Variants in DOCK4 observed in about 807,000 individuals in gnomAD.
DOCK4 encodes the protein dedicator of cytokinesis 4.
Under a neutral mutation model 268.1 loss-of-function variants are expected in DOCK4, and 97 were observed. The ratio of observed to expected loss-of-function variants is 0.36; its 90% CI spans 0.31 to 0.43. DOCK4 has a LOEUF of 0.43. Among genes scored for constraint, DOCK4 ranks in the 20% least tolerant of loss-of-function variants. The pLI is 1.00. For missense variants in DOCK4, 2,145 were observed against 2,455.7 expected, an observed-to-expected ratio of 0.87 and a Z score of 2.67; for synonymous variants, 954 against 887.2, an observed-to-expected ratio of 1.08 and a Z score of -1.34.
rs1802829935 is a variant in DOCK4 at position 112,026,732 on chromosome 7, C to T, written c.38-22601G>A. Among the ~76,000 whole-genome samples, 3 of 152,170 alleles carry T rather than the reference C, an allele frequency of 2.0e-5. 1 individual carries two copies. The highest frequency in any genetic ancestry group is 6.3e-3 in the Middle Eastern group (2 of 316). ...TGCTTTTGCACTATAATGACAGAGT[C>T]CTGTGGTCGGAACAGAGATTATATG... On this transcript the variant is annotated intron_variant, in intron 1 of 52. Transcript: ENST00000428084.
chr7:112,083,268 T>C (rs1310961180), intron 1 of DOCK4, among the ~76,000 whole-genome samples: 2 of 152,124 alleles, frequency 1.3e-5, no homozygotes, highest in Non-Finnish European at 2.9e-5. Context: ...GTGAATACCA[T>C]CACAATTGCC....
chr7:111,831,860 A>C (rs766453819), intron 26 of DOCK4, among the ~76,000 whole-genome samples: 11 of 152,162 alleles, frequency 7.2e-5, no homozygotes, highest in Non-Finnish European at 1.0e-4. Context: ...TCCCTTCTTA[A>C]AACAATCACA....
chr7:111,931,167 T>C (rs1435836832), intron 12 of DOCK4, among the ~76,000 whole-genome samples: 1 of 152,144 alleles, frequency 6.6e-6, no homozygotes, highest in East Asian at 1.9e-4. Context: ...AGAAGCCAGG[T>C]ATAAAGTGCA....
intron 8 of DOCK4, among the ~76,000 whole-genome samples, chr7:111,969,302 T>A (rs1398850047): frequency 2.6e-5 from 4 of 151,582 alleles, no homozygotes; most frequent in African/African-American, 9.7e-5. Flanking sequence ...AGCTTCCAAT[T>A]CTGTATGAAA....
At chr7:111,861,107 A>C (rs1244094881) in intron 23 of DOCK4, among the ~76,000 whole-genome samples, 1 of 152,174 alleles carries the variant, frequency 6.6e-6, no homozygotes, top group Admixed American at 6.5e-5. Context: ...GAGTTAAAGC[A>C]GGGTGCTCCG....
chr7:112,112,599 G>A (rs1811768690), intron 1 of DOCK4, among the ~76,000 whole-genome samples: 1 of 151,788 alleles, frequency 6.6e-6, no homozygotes, highest in Non-Finnish European at 1.5e-5. Context: ...AGCTGAGATA[G>A]TGCCACTGCA....
chr7:111,780,672 C>T (rs957546814), intron 35 of DOCK4, among the ~76,000 whole-genome samples: 5 of 152,188 alleles, frequency 3.3e-5, no homozygotes, highest in Non-Finnish European at 2.9e-5. Context: ...AATTTAACCC[C>T]GATCTTGTAA....
chr7:111,915,096 A>T (rs1792473951), intron 13 of DOCK4, among the ~76,000 whole-genome samples: 1 of 152,196 alleles, frequency 6.6e-6, no homozygotes, highest in Non-Finnish European at 1.5e-5. Context: ...GAAAACCCTA[A>T]ATTTCCATAA....
At chr7:112,191,960 A>G (rs1819989068) in intron 1 of DOCK4, among the ~76,000 whole-genome samples, 1 of 148,304 alleles carries the variant, frequency 6.7e-6, no homozygotes, top group East Asian at 1.9e-4. Context: ...CTTATATAAT[A>G]TATATTATAA....
intron 44 of DOCK4, among the ~76,000 whole-genome samples, chr7:111,743,015 AG>A (rs1169842881): frequency 8.5e-5 from 13 of 152,088 alleles, no homozygotes; most frequent in African/African-American, 2.7e-4. Flanking sequence ...AAAAGAAAAA[AG>A]AAAAAAATCC....
At chr7:112,074,688 G>A (rs1807904503) in intron 1 of DOCK4, among the ~76,000 whole-genome samples, 1 of 152,168 alleles carries the variant, frequency 6.6e-6, no homozygotes, top group Non-Finnish European at 1.5e-5. Context: ...CTCTCTAGCA[G>A]CATTTCAATC....
Position 111,809,420 on chromosome 7 carries a change from A to T in DOCK4, c.3007-19T>A. 1 of 1,527,410 alleles carries T rather than the reference A, an allele frequency of 6.5e-7. No homozygotes were observed. The highest frequency in any genetic ancestry group is 1.4e-5 in the African/African-American group (1 of 72,744). 94.6% of individuals were successfully genotyped at this position (1,527,410 alleles called of 1,614,324 possible). ...CCCAGATCTAAAACAAGAACAAGAT[A>T]TATCAATACTATGGTGTTACAAGCA... is the stretch of plus-strand genomic sequence containing the variant. On this transcript the variant is annotated intron_variant, in intron 28 of 52. Coordinates refer to ENST00000428084, the MANE Select transcript of DOCK4 (RefSeq NM_001363540.2).
chr7:111,760,357 A>T, intron 39 of DOCK4, 35 bp from the exon 40 acceptor site: 1 of 1,598,984 alleles, frequency 6.3e-7, no homozygotes, highest in Non-Finnish European at 8.5e-7. Context: ...TTAGGGCTAT[A>T]TAACTGAGTG....
At chr7:111,946,736 C>T (rs1196789548) in intron 8 of DOCK4, among the ~76,000 whole-genome samples, 1 of 152,114 alleles carries the variant, frequency 6.6e-6, no homozygotes, top group Admixed American at 6.5e-5. Context: ...TGCACACCAC[C>T]ACGCCTGGCT....
chr7:111,971,060 G>T (rs117618085), intron 8 of DOCK4, among the ~76,000 whole-genome samples: 1 of 152,172 alleles, frequency 6.6e-6, no homozygotes, highest in African/African-American at 2.4e-5. Context: ...GAACGAGAAA[G>T]GGAGTACTTT....
intron 34 of DOCK4, 79 bp downstream of exon 34, chr7:111,783,778 C>T (rs554282764): frequency 7.2e-6 from 9 of 1,246,562 alleles, no homozygotes; most frequent in Middle Eastern, 1.9e-4. Flanking sequence ...AAGAGTGGAA[C>T]GTTGATTGTA....
intron 1 of DOCK4, among the ~76,000 whole-genome samples, chr7:112,086,219 G>A (rs927333058): frequency 5.3e-5 from 8 of 152,010 alleles, no homozygotes; most frequent in Admixed American, 4.6e-4. Context: ...ACACCTTTGT[G>A]TACAAATTTC....
chr7:111,834,678 A>G lies in DOCK4; in HGVS notation c.2745T>C (p.Phe915=), dbSNP rs988137144. 1.2e-5 allele frequency: 18 copies of G among 1,533,836 alleles called. No individual in the cohort carries two copies. Among genetic ancestry groups the G allele is most frequent in the Non-Finnish European group, 1.6e-5 (18 of 1,142,272 alleles). ...RFQFQDVTGE[F]VACLLSLLRQ... ...GTAATAGGGACAGGAGACAAGCAACAAACTCCCCCTAAGTTAAAAAAAAAA... is the reference window on the plus strand; with the variant it reads ...GTAATAGGGACAGGAGACAAGCAACGAACTCCCCCTAAGTTAAAAAAAAAA... The change falls in exon 26 of 53, where the codon TTT becomes TTC. Residue 915 remains phenylalanine, a synonymous_variant. Transcript: ENST00000428084.
chr7:111,859,058 AGACAGGTGG>A (rs1220570918), intron 23 of DOCK4, among the ~76,000 whole-genome samples: 2 of 152,142 alleles, frequency 1.3e-5, no homozygotes, highest in African/African-American at 4.8e-5. Context: ...TCCATCTGTC[AGACAGGTGG>A]GAGTGCAGTG....
Sources: allele counts gnomAD v4.1 joint callset (sites outside exome capture counted in the v4.1 genomes callset), GRCh38; gene constraint gnomAD v4.1.1; transcripts MANE v1.5; gene names NCBI Gene and HGNC (gene_info 2026-07-23, HGNC 2026-07-21).